DBNDD1: variants seen among roughly 807,000 people sequenced by gnomAD.
DBNDD1 encodes the protein dysbindin domain-containing protein 1.
In DBNDD1, 14 loss-of-function variants were observed where a neutral mutation model predicts 17.0. That is an observed-to-expected ratio of 0.82 (90% CI 0.54 to 1.29). The LOEUF is 1.29. DBNDD1 is among the 50% of genes most tolerant of loss of function. The probability of loss-of-function intolerance (pLI) is 0.00; values close to 1 mark genes in which losing one functional copy is unlikely to be tolerated. For missense variants in DBNDD1, 221 were observed against 216.2 expected (o/e 1.02, Z -0.14); for synonymous variants, 105 against 102.0 (o/e 1.03, Z -0.18).
chr16:90,012,368 C>T (rs77371051), intron 1 of DBNDD1, among the ~76,000 whole-genome samples: 5 of 152,172 alleles, frequency 3.3e-5, no homozygotes, highest in African/African-American at 4.8e-5. Flanking sequence ...GACACCCTTA[C>T]CCCAGAGCAG....
rs567073561 is a variant in DBNDD1, at chr16:90,009,295, G to A, written c.167C>T (p.Thr56Met). 4.8e-5 allele frequency: 78 copies of A among 1,613,210 alleles called. No homozygotes were observed. Among genetic ancestry groups the A allele is most frequent in the Non-Finnish European group, 5.8e-5 (69 of 1,179,958 alleles). Residue 56 changes from threonine to methionine, a missense_variant, in exon 2 of 4, where the codon ACG becomes ATG. Thr to Met is a moderately conservative substitution (Grantham distance 81, BLOSUM62 -1). Coordinates refer to ENST00000002501, the MANE Select transcript of DBNDD1 (RefSeq NM_001042610.3). The stretch of plus-strand genomic sequence containing the variant: ...GGAGCAGTACTTACGCCTCCTCTCC[G>A]TGACCTGCAGGAGCCCCGGTGCTGG... ...PVPAPGLLQVTERRQPLSSVS... is the reference protein window; with the variant it reads ...PVPAPGLLQVMERRQPLSSVS...
At chr16:90,008,988 G>A in intron 2 of DBNDD1, 64 bp from the exon 3 acceptor site, 1 of 1,479,938 alleles carries the variant, frequency 6.8e-7, no homozygotes, top group Non-Finnish European at 9.0e-7. Flanking sequence ...GAGCCCCGGG[G>A]GTCTAGGAGA....
At position 90,009,439 on chromosome 16, in the gene DBNDD1, A is replaced by G; in HGVS notation, c.32-9T>C. The G allele has an allele frequency of 6.2e-7, 1 of 1,609,428 alleles. No homozygotes were observed. Among genetic ancestry groups the G allele is most frequent in the Non-Finnish European group, 8.5e-7 (1 of 1,179,968 alleles). On this transcript the variant is annotated splice_polypyrimidine_tract_variant and intron_variant, in intron 1 of 3. Transcript: ENST00000002501. Reference sequence around the variant, plus strand: ...AGCCTCCTTAACGATCTCTGCATCCAAAGACACAGTGTCACCTTGAGATCC... The same window carrying G: ...AGCCTCCTTAACGATCTCTGCATCCGAAGACACAGTGTCACCTTGAGATCC...
intron 1 of DBNDD1, among the ~76,000 whole-genome samples, chr16:90,010,648 C>G (rs1222311007): frequency 6.6e-6 from 1 of 151,758 alleles, no homozygotes; most frequent in African/African-American, 2.4e-5. Flanking sequence ...CTTTTATATA[C>G]TTAACAATTG....
intron 1 of DBNDD1, among the ~76,000 whole-genome samples, chr16:90,011,064 G>A (rs141971384): frequency 3.9e-5 from 6 of 152,352 alleles, no homozygotes; most frequent in Admixed American, 6.5e-5. Context: ...GGTGCCCAGC[G>A]CACGCTTGTC....
At chr16:90,012,836 A>C (rs2035577861) in intron 1 of DBNDD1, among the ~76,000 whole-genome samples, 1 of 151,930 alleles carries the variant, frequency 6.6e-6, no homozygotes, top group South Asian at 2.1e-4. Flanking sequence ...CTGCAGCCTC[A>C]ACCTCTTGGG....
At chr16:90,009,987 G>T (rs1430560347) in intron 1 of DBNDD1, 1 of 1,614,184 alleles carries the variant, frequency 6.2e-7, no homozygotes, top group East Asian at 2.2e-5. Context: ...GCCATTCTGT[G>T]ATCCCTTAGC....
At chr16:90,006,619 C>T (rs1014485358) in intron 3 of DBNDD1, 127 bp from the exon 4 acceptor site, 9 of 1,217,818 alleles carry the variant, frequency 7.4e-6, no homozygotes, top group Non-Finnish European at 6.8e-6. Context: ...CTGCACCAGG[C>T]ATGCACACAT....
upstream of DBNDD1, chr16:90,019,489 G>A: frequency 5.7e-6 from 1 of 175,652 alleles, no homozygotes; most frequent in African/African-American, 2.4e-5. The surrounding 1 kb of genome is among the most constrained non-coding windows in gnomAD (Gnocchi z 6.1). Flanking sequence ...GGAGGAGCCC[G>A]CGGGGCGGGG....
At chr16:90,009,635 C>A (rs1377565566) in intron 1 of DBNDD1, 4 of 734,570 alleles carry the variant, frequency 5.4e-6, no homozygotes, top group African/African-American at 5.3e-5. Flanking sequence ...GCTCCTTCCC[C>A]TTGGGCCCTG....
intron 1 of DBNDD1, among the ~76,000 whole-genome samples, chr16:90,012,326 C>T (rs1319772444): frequency 6.6e-6 from 1 of 152,182 alleles, no homozygotes; most frequent in Non-Finnish European, 1.5e-5. Flanking sequence ...CTCTTACCTC[C>T]CCAGGTTTAC....
intron 1 of DBNDD1, among the ~76,000 whole-genome samples, chr16:90,018,753 G>A (rs1452140205): frequency 6.6e-6 from 1 of 152,150 alleles, no homozygotes; most frequent in Non-Finnish European, 1.5e-5. Context: ...GGCCACTCCC[G>A]GACCAGCCAC....
At chr16:90,014,779 C>A (rs979666628) in intron 1 of DBNDD1, among the ~76,000 whole-genome samples, 1 of 151,958 alleles carries the variant, frequency 6.6e-6, no homozygotes, top group Non-Finnish European at 1.5e-5. Context: ...CCAAGGCGGG[C>A]GGATCACTTG....
At chr16:90,009,746 G>A (rs1010619407) in intron 1 of DBNDD1, 4 of 637,186 alleles carry the variant, frequency 6.3e-6, no homozygotes, top group South Asian at 4.0e-5. Context: ...ACCAGGGCCC[G>A]CGTGGCTGCA....
intron 2 of DBNDD1, 105 bp from the exon 3 acceptor site, chr16:90,009,029 G>T: frequency 1.4e-6 from 2 of 1,407,404 alleles, no homozygotes; most frequent in Non-Finnish European, 1.9e-6. Context: ...CAAGGCTGTG[G>T]GTGAACCACA....
rs115682966 is a variant in DBNDD1 at position 90,011,334 on chromosome 16, G to A, written c.32-1904C>T. 5.4e-3 allele frequency among the ~76,000 whole-genome samples: 824 copies of A among 152,290 alleles called. 8 individuals carry two copies. Among genetic ancestry groups the A allele is most frequent in the African/African-American group, 0.019 (790 of 41,554 alleles). On this transcript the variant is annotated intron_variant, in intron 1 of 3. Transcript: ENST00000002501. ...ACTGCCAGGTGGGCCTGGAGCGTCC[G>A]TCCCGGTGCACCCCCACCCCTCCCC... is the stretch of plus-strand genomic sequence containing the variant.
chr16:90,010,052 A>G (rs200881887), intron 1 of DBNDD1: 298 of 1,613,704 alleles, frequency 1.8e-4, no homozygotes, highest in Middle Eastern at 6.6e-4. Flanking sequence ...TCCCATGTTT[A>G]TTTATTTTTT....
At position 90,008,055 on chromosome 16, in the gene DBNDD1, C is replaced by A. The variant is rs1198285293; in HGVS notation, c.319+729G>T. The stretch of plus-strand genomic sequence containing the variant: ...CGTCCCAAGGGGCCTCAGCCCACCA[C>A]ACACACCTCCCAGGACGTCCCAAGG... On this transcript the variant is annotated intron_variant, in intron 3 of 3. Coordinates refer to ENST00000002501, the MANE Select transcript of DBNDD1 (RefSeq NM_001042610.3). Among the ~76,000 whole-genome samples the A allele has an allele frequency of 6.5e-4, 60 of 92,184 alleles. 5 individuals are homozygous for A. Among genetic ancestry groups the A allele is most frequent in the East Asian group, 4.0e-3 (10 of 2,478 alleles). 60.5% of individuals were successfully genotyped at this position (92,184 alleles called of 152,430 possible).
Position 90,009,314 on chromosome 16 carries a change from G to C in DBNDD1, c.148C>G (p.Pro50Ala). 2 of 1,613,568 alleles carry C rather than the reference G, an allele frequency of 1.2e-6. No individual in the cohort carries two copies. Among genetic ancestry groups the C allele is most frequent in the Non-Finnish European group, 1.7e-6 (2 of 1,179,986 alleles). ...CTCTCCGTGACCTGCAGGAGCCCCG[G>C]TGCTGGTACTGGGATGCCCCCGACC... Reference protein sequence around the residue: ...EEVGGIPVPAPGLLQVTERRQ... With the variant: ...EEVGGIPVPAAGLLQVTERRQ... The change falls in exon 2 of 4, where the codon CCG becomes GCG. Residue 50 changes from proline (P) to alanine (A), a missense_variant. Physicochemically the swap from Pro to Ala is conservative, Grantham distance 27. Coordinates refer to ENST00000002501, the MANE Select transcript of DBNDD1 (RefSeq NM_001042610.3).
Sources: gnomAD v4.1 joint callset for allele counts (sites outside exome capture counted in the v4.1 genomes callset) on GRCh38, gnomAD v4.1.1 for gene constraint, Gnocchi (gnomAD v3.1) non-coding constraint, MANE v1.5 for transcripts, NCBI Gene and HGNC (gene_info 2026-07-23, HGNC 2026-07-21) for gene names.